Variants in TCF4 observed in about 807,000 individuals in gnomAD.
TCF4 encodes SL3-3 enhancer factor 2.
A neutral mutation model predicts 82.1 loss-of-function variants in TCF4; 3 were observed. The ratio of observed to expected loss-of-function variants is 0.04; its 90% CI spans 0.02 to 0.09. The LOEUF is 0.09. Ranked by LOEUF, TCF4 falls within the 10% of genes least tolerant of loss-of-function variation. TCF4 has a pLI of 1.00. For synonymous variants in TCF4, 276 were observed against 309.6 expected (o/e 0.89, Z 1.14); for missense variants, 518 against 852.7 (o/e 0.61, Z 4.89).
chr18:55,488,075 T>A (rs911239262), intron 3 of TCF4, among the ~76,000 whole-genome samples: 2 of 152,222 alleles, frequency 1.3e-5, no homozygotes, highest in African/African-American at 2.4e-5. Context: ...GGATTTGCTA[T>A]AAAACTGCAC....
chr18:55,432,399 G>A (rs770784117), intron 5 of TCF4, among the ~76,000 whole-genome samples: 26 of 149,994 alleles, frequency 1.7e-4, no homozygotes, highest in Non-Finnish European at 3.4e-4. Context: ...GTAGCAGGGA[G>A]GAAGGAGAAA....
intron 3 of TCF4, among the ~76,000 whole-genome samples, chr18:55,580,414 T>C (rs1409778540): frequency 6.6e-6 from 1 of 151,982 alleles, no homozygotes; most frequent in Non-Finnish European, 1.5e-5. Context: ...ATTAGCTACA[T>C]AAAAACATGT....
At chr18:55,359,257 T>G (rs1328667487) in intron 6 of TCF4, among the ~76,000 whole-genome samples, 1 of 152,202 alleles carries the variant, frequency 6.6e-6, no homozygotes, top group African/African-American at 2.4e-5. Flanking sequence ...GTCAATCATC[T>G]TCTCTAAAAA....
chr18:55,627,290 G>A (rs2097727375), intron 2 of TCF4, among the ~76,000 whole-genome samples: 1 of 152,132 alleles, frequency 6.6e-6, no homozygotes, highest in African/African-American at 2.4e-5. Context: ...GATATTGTGT[G>A]GAGTGATAGA....
intron 8 of TCF4, chr18:55,322,358 G>C (rs2075790014): frequency 4.0e-6 from 4 of 992,804 alleles, no homozygotes; most frequent in Non-Finnish European, 4.8e-6. Flanking sequence ...CTGCTGGCTA[G>C]CTCCCAGCAT....
chr18:55,509,022 T>G (rs2096795362), intron 3 of TCF4, among the ~76,000 whole-genome samples: 1 of 152,194 alleles, frequency 6.6e-6, no homozygotes, highest in Non-Finnish European at 1.5e-5. Flanking sequence ...CTCTTTACAT[T>G]TTAAACAGGA....
At chr18:55,401,081 T>C in intron 6 of TCF4, 1 of 1,289,114 alleles carries the variant, frequency 7.8e-7, no homozygotes, top group Non-Finnish European at 1.0e-6. Context: ...TTTGCCTTTC[T>C]CTTTGGTTTG....
At position 55,633,186 on chromosome 18, in the gene TCF4, T is replaced by A. The variant is rs2097733094; in HGVS notation, c.196-1798A>T. The stretch of plus-strand genomic sequence containing the variant: ...TTCTGGCTTACGGTCTGTTCTGAGG[T>A]TTGAGCCAAGATGTGGACTGGGCCT... On this transcript the variant is annotated intron_variant, in intron 1 of 20. Coordinates refer to the TCF4 transcript ENST00000398339. The surrounding 1 kb of genome is among the most constrained non-coding windows in gnomAD (Gnocchi z 4.0). 6.6e-6 allele frequency among the ~76,000 whole-genome samples: 1 copy of A among 152,176 alleles called. No homozygotes were observed. Among genetic ancestry groups the A allele is most frequent in the Admixed American group, 6.5e-5 (1 of 15,276 alleles).
intron 15 of TCF4, among the ~76,000 whole-genome samples, chr18:55,249,055 G>A (rs2054218131): frequency 6.6e-6 from 1 of 152,046 alleles, no homozygotes; most frequent in Admixed American, 6.6e-5. Flanking sequence ...TCTTTTGTCT[G>A]GTTTCTAATT....
chr18:55,391,535 AT>A (rs1390186482), intron 6 of TCF4, among the ~76,000 whole-genome samples: 2 of 152,098 alleles, frequency 1.3e-5, no homozygotes, highest in South Asian at 2.1e-4. Context: ...GGGGCACAAA[AT>A]ACCCTGGGAG....
chr18:55,533,960 G>A (rs2097093045), intron 3 of TCF4, among the ~76,000 whole-genome samples: 1 of 152,146 alleles, frequency 6.6e-6, no homozygotes, highest in Admixed American at 6.6e-5. Context: ...AAAGGCTTAG[G>A]ATCAGAAGTG....
At chr18:55,237,249 C>G (rs1200182149) in intron 15 of TCF4, among the ~76,000 whole-genome samples, 1 of 152,128 alleles carries the variant, frequency 6.6e-6, no homozygotes, top group East Asian at 1.9e-4. Flanking sequence ...ATCTTTGTCT[C>G]TATTTTGTTA....
intron 5 of TCF4, among the ~76,000 whole-genome samples, chr18:55,424,332 C>T (rs2094896768): frequency 6.6e-6 from 1 of 152,150 alleles, no homozygotes; most frequent in Non-Finnish European, 1.5e-5. Flanking sequence ...ATTCCACAGC[C>T]TTTGGCATCC....
chr18:55,492,166 C>A (rs1361303280), intron 3 of TCF4: 1 of 152,082 alleles, frequency 6.6e-6, no homozygotes, highest in South Asian at 2.1e-4. Flanking sequence ...ATCTGAGGAA[C>A]AGGACATCAG....
At chr18:55,623,656 T>C (rs553750010) in intron 2 of TCF4, among the ~76,000 whole-genome samples, 10 of 152,326 alleles carry the variant, frequency 6.6e-5, no homozygotes, top group African/African-American at 2.4e-4. Flanking sequence ...ATATTTTTTT[T>C]TGAAAGTGAA....
chr18:55,261,349 T>C (rs2058049900), intron 12 of TCF4, 117 bp downstream of exon 12: 2 of 1,285,328 alleles, frequency 1.6e-6, no homozygotes, highest in Non-Finnish European at 2.3e-6. Flanking sequence ...AAAGCTAGCA[T>C]TTTCCAAAAA....
At chr18:55,327,108 T>C (rs955785090) in intron 8 of TCF4, among the ~76,000 whole-genome samples, 2 of 152,178 alleles carry the variant, frequency 1.3e-5, no homozygotes, top group Non-Finnish European at 2.9e-5. Flanking sequence ...TTTCTTTGTA[T>C]TGAAATCTTA....
At chr18:55,328,179 C>T (rs1439853128) in intron 8 of TCF4, among the ~76,000 whole-genome samples, 2 of 152,066 alleles carry the variant, frequency 1.3e-5, no homozygotes, top group Non-Finnish European at 2.9e-5. Context: ...TTCTTCCTTC[C>T]TCAATTTTTT....
intron 8 of TCF4, among the ~76,000 whole-genome samples, chr18:55,330,440 AG>A (rs1412611328): frequency 1.3e-5 from 2 of 151,854 alleles, no homozygotes; most frequent in Admixed American, 1.3e-4. Flanking sequence ...GGCCTCCCAA[AG>A]TGCTGGGATT....
Sources: gnomAD v4.1 joint callset for allele counts (sites outside exome capture counted in the v4.1 genomes callset) on GRCh38, gnomAD v4.1.1 for gene constraint, Gnocchi (gnomAD v3.1) non-coding constraint, MANE v1.5 for transcripts, NCBI Gene and HGNC (gene_info 2026-07-23, HGNC 2026-07-21) for gene names.